Variants in ZC3H12B observed in about 807,000 individuals in gnomAD.
The protein encoded by ZC3H12B is probable ribonuclease ZC3H12B.
ZC3H12B carries 7 observed loss-of-function variants against 43.9 expected under a neutral mutation model. The ratio of observed to expected loss-of-function variants is 0.16; its 90% CI spans 0.09 to 0.30. ZC3H12B has a LOEUF of 0.30. Among genes scored for constraint, ZC3H12B ranks in the 10% least tolerant of loss-of-function variants. ZC3H12B has a pLI of 1.00. For synonymous variants in ZC3H12B, 222 were observed against 241.7 expected, an observed-to-expected ratio of 0.92 and a Z score of 0.76; for missense variants, 475 against 670.2, an observed-to-expected ratio of 0.71 and a Z score of 3.22.
chrX:65,240,482 T>C, the ZC3H12B span, among the ~76,000 whole-genome samples: 1 of 111,596 alleles, frequency 9.0e-6, no homozygotes, highest in Admixed American at 9.6e-5. Flanking sequence ...TTTTTCATGA[T>C]TCTTAGTGTT....
the ZC3H12B span, among the ~76,000 whole-genome samples, chrX:65,203,377 C>T: frequency 1.8e-5 from 2 of 111,537 alleles, no homozygotes; most frequent in African/African-American, 6.5e-5. Context: ...ACAGCCAAGG[C>T]CCATGCAAGT....
chrX:65,192,002 C>G, the ZC3H12B span, among the ~76,000 whole-genome samples: 3 of 109,058 alleles, frequency 2.8e-5, no homozygotes, highest in Admixed American at 2.0e-4. Flanking sequence ...TATGTTGTGT[C>G]TTTGTTCTCG....
chrX:65,128,135 A>G, the ZC3H12B span, among the ~76,000 whole-genome samples: 1 of 112,239 alleles, frequency 8.9e-6, no homozygotes, highest in African/African-American at 3.2e-5. Context: ...TCCAAGTAGG[A>G]GCTGCAAGCT....
At position 65,473,002 on chromosome X, in the gene ZC3H12B, A is replaced by ATATATATATATATATATATGTG. The variant is rs1569420680; in HGVS notation, n.408-15629_408-15628insATATGTGTATATATATATATAT. ...TATATATATATATATATATATGTAT[A>ATATATATATATATATATATGTG]TATATATATATATATCTGTTTGTTT... On this transcript the variant is annotated intron_variant and non_coding_transcript_variant, in intron 3 of 5. Transcript: ENST00000617377. Among the ~76,000 whole-genome samples the ATATATATATATATATATATGTG allele has an allele frequency of 3.3e-4, 30 of 91,892 alleles. 2 individuals are homozygous for ATATATATATATATATATATGTG. Among genetic ancestry groups the ATATATATATATATATATATGTG allele is most frequent in the African/African-American group, 1.3e-3 (30 of 23,737 alleles). 79.8% of individuals were successfully genotyped at this position (91,892 alleles called of 115,157 possible). A position where few individuals can be genotyped will look rare whatever the true frequency, so the allele number is the denominator to read the frequency against.
chrX:65,266,938 G>A, the ZC3H12B span, among the ~76,000 whole-genome samples: 1 of 110,708 alleles, frequency 9.0e-6, no homozygotes, highest in African/African-American at 3.3e-5. Context: ...GGAAGAGTCT[G>A]TGAGAGGCAA....
At chrX:65,409,334 G>A (rs977209617) in intron 3 of ZC3H12B, among the ~76,000 whole-genome samples, 13 of 110,784 alleles carry the variant, frequency 1.2e-4, no homozygotes, top group African/African-American at 3.9e-4. Context: ...TCCACAGCAA[G>A]TATCATACTG....
At chrX:65,472,972 G>GTATATATATATATATATATA (rs1569420634) in intron 3 of ZC3H12B, among the ~76,000 whole-genome samples, 1 of 78,984 alleles carries the variant, frequency 1.3e-5, no homozygotes, top group African/African-American at 7.5e-5. Context: ...ATGTGTATGT[G>GTATATATATATATATATATA]TGTGTATATA....
chrX:65,160,665 G>C, the ZC3H12B span, among the ~76,000 whole-genome samples: 1 of 110,882 alleles, frequency 9.0e-6, no homozygotes, highest in East Asian at 2.8e-4. Context: ...TTCTTTATTA[G>C]TCTTGCTAAT....
the ZC3H12B span, among the ~76,000 whole-genome samples, chrX:65,048,166 A>G: frequency 9.0e-6 from 1 of 111,131 alleles, no homozygotes; most frequent in Non-Finnish European, 1.9e-5. Context: ...TTCTGTGACT[A>G]GTTTATTTCA....
the ZC3H12B span, among the ~76,000 whole-genome samples, chrX:65,176,238 G>T: frequency 9.0e-6 from 1 of 111,401 alleles, no homozygotes; most frequent in Non-Finnish European, 1.9e-5. Context: ...GCTTGAGTAG[G>T]CAGTTTTCTC....
chrX:65,323,986 T>C, the ZC3H12B span, among the ~76,000 whole-genome samples: 1 of 112,434 alleles, frequency 8.9e-6, no homozygotes, highest in East Asian at 2.8e-4. Flanking sequence ...GCCGCATAGA[T>C]GTTGTCTTTT....
the ZC3H12B span, among the ~76,000 whole-genome samples, chrX:65,107,404 G>A: frequency 9.0e-6 from 1 of 111,640 alleles, no homozygotes; most frequent in East Asian, 2.8e-4. Flanking sequence ...CTAGTCATCA[G>A]GTGGGCACCA....
intron 2 of ZC3H12B, among the ~76,000 whole-genome samples, chrX:65,383,285 C>T (rs1263086043): frequency 9.0e-6 from 1 of 111,651 alleles, no homozygotes; most frequent in African/African-American, 3.3e-5. Context: ...ACAGAGACAT[C>T]AGAATTAATG....
intron 3 of ZC3H12B, among the ~76,000 whole-genome samples, chrX:65,427,820 G>A (rs916371643): frequency 3.6e-5 from 4 of 111,851 alleles, no homozygotes; most frequent in African/African-American, 1.3e-4. Context: ...ATTCTAGCTG[G>A]TTATTTTGCA....
the ZC3H12B span, among the ~76,000 whole-genome samples, chrX:65,118,454 G>T: frequency 1.8e-5 from 2 of 111,304 alleles, no homozygotes; most frequent in African/African-American, 6.5e-5. Context: ...AGCTTAAGGA[G>T]ATTTTGGGCT....
chrX:65,506,232 T>C (rs911204020), exon 5 of ZC3H12B: 1 of 112,804 alleles, frequency 8.9e-6, no homozygotes, highest in African/African-American at 3.2e-5. Flanking sequence ...CTTTAGCCTA[T>C]TAAATTTAAT....
intron 2 of ZC3H12B, among the ~76,000 whole-genome samples, chrX:65,373,441 C>T (rs747514638): frequency 2.7e-5 from 3 of 111,141 alleles, no homozygotes; most frequent in South Asian, 3.8e-4. Flanking sequence ...CACATACACA[C>T]GTATGTTTAT....
chrX:65,244,892 A>T, the ZC3H12B span, among the ~76,000 whole-genome samples: 1 of 111,198 alleles, frequency 9.0e-6, no homozygotes, highest in African/African-American at 3.3e-5. Flanking sequence ...TCAGTGTTTT[A>T]CCATGATACC....
At chrX:65,202,047 AAT>A in the ZC3H12B span, among the ~76,000 whole-genome samples, 1 of 87,363 alleles carries the variant, frequency 1.1e-5, no homozygotes, top group East Asian at 3.4e-4. Flanking sequence ...TTTATAATAT[AAT>A]ATATATTATA....
Sources: gnomAD v4.1 joint callset for allele counts (sites outside exome capture counted in the v4.1 genomes callset) on GRCh38, gnomAD v4.1.1 for gene constraint, MANE v1.5 for transcripts, NCBI Gene and HGNC (gene_info 2026-07-23, HGNC 2026-07-21) for gene names.